The following ITPK1 variants were observed in gnomAD, a reference collection of about 807,000 sequenced individuals.
The protein encoded by ITPK1 is inositol 1,3,4-trisphosphate 5/6-kinase.
A neutral mutation model predicts 45.3 loss-of-function variants in ITPK1; 21 were observed. The observed-to-expected ratio is 0.46, with a 90% confidence interval of 0.33 to 0.67. The LOEUF (loss-of-function observed/expected upper bound fraction) is 0.67. Ranked by LOEUF, ITPK1 falls within the 30% of genes least tolerant of loss-of-function variation. ITPK1 has a pLI of 0.02. For synonymous variants in ITPK1, 258 were observed against 253.6 expected (o/e 1.02, Z -0.16); for missense variants, 474 against 573.5 (o/e 0.83, Z 1.77).
chr14:93,018,243 T>C (rs375711282), intron 3 of ITPK1, among the ~76,000 whole-genome samples: 2 of 152,074 alleles, frequency 1.3e-5, no homozygotes. Context: ...ACAGCCCCCA[T>C]GGAGCAGGGC....
chr14:93,028,490 A>G (rs1462239422), intron 3 of ITPK1, among the ~76,000 whole-genome samples: 1 of 152,228 alleles, frequency 6.6e-6, no homozygotes, highest in Non-Finnish European at 1.5e-5. Context: ...AGATACTGGA[A>G]GCAATGGAGG....
chr14:93,092,188 G>A (rs772793060), intron 2 of ITPK1, among the ~76,000 whole-genome samples: 1 of 152,176 alleles, frequency 6.6e-6, no homozygotes, highest in Non-Finnish European at 1.5e-5. Context: ...AGCATGGGGA[G>A]GGTGGGCACA....
intron 2 of ITPK1, among the ~76,000 whole-genome samples, chr14:93,097,497 C>A (rs1007803844): frequency 3.9e-5 from 6 of 152,218 alleles, no homozygotes; most frequent in Admixed American, 3.3e-4. Flanking sequence ...CACACACACG[C>A]AAGGGATTCC....
intron 3 of ITPK1, among the ~76,000 whole-genome samples, chr14:93,072,927 C>T (rs1484297897): frequency 6.6e-6 from 1 of 152,230 alleles, no homozygotes; most frequent in Non-Finnish European, 1.5e-5. Flanking sequence ...ATCAGGTACT[C>T]TTTGAATTTT....
At chr14:92,989,760 C>G (rs969466904) in intron 5 of ITPK1, among the ~76,000 whole-genome samples, 2 of 152,192 alleles carry the variant, frequency 1.3e-5, no homozygotes, top group Non-Finnish European at 2.9e-5. Flanking sequence ...CCAGGCTCAA[C>G]GCTGCCTGTG....
rs190148893 is a variant in ITPK1 at position 93,084,573 on chromosome 14, C to T, written c.96-7954G>A. Reference sequence around the variant, plus strand: ...AGTAAACCTATTTCCGCCAGCCTTTCGACACTACTTGTCACTGCAGCCTAA... The same window carrying T: ...AGTAAACCTATTTCCGCCAGCCTTTTGACACTACTTGTCACTGCAGCCTAA... On this transcript the variant is annotated intron_variant, in intron 2 of 10. Coordinates refer to ENST00000267615, the MANE Select transcript of ITPK1 (RefSeq NM_014216.6). Among the ~76,000 whole-genome samples, 334 of 152,198 alleles carry T rather than the reference C, an allele frequency of 2.2e-3. 4 individuals carry two copies. Among genetic ancestry groups the T allele is most frequent in the African/African-American group, 7.3e-3 (304 of 41,508 alleles).
At position 93,046,543 on chromosome 14, in the gene ITPK1, A is replaced by G. The variant is rs533872702; in HGVS notation, c.121-29742T>C. ...GACTTTCCTAAGTGCTCTGGGCTTCAAGACCTTCAGAAAAAGGCTAGGTAA... is the reference window on the plus strand; with the variant it reads ...GACTTTCCTAAGTGCTCTGGGCTTCGAGACCTTCAGAAAAAGGCTAGGTAA... On this transcript the variant is annotated intron_variant, in intron 3 of 10. Coordinates refer to ENST00000267615, the MANE Select transcript of ITPK1 (RefSeq NM_014216.6). Among the ~76,000 whole-genome samples the G allele has an allele frequency of 8.5e-4, 126 of 148,824 alleles. 3 individuals are homozygous for G. Among genetic ancestry groups the G allele is most frequent in the Non-Finnish European group, 4.5e-5 (3 of 67,098 alleles).
At chr14:93,073,454 A>C (rs962878945) in intron 3 of ITPK1, among the ~76,000 whole-genome samples, 1 of 152,190 alleles carries the variant, frequency 6.6e-6, no homozygotes, top group Non-Finnish European at 1.5e-5. Flanking sequence ...GGTTACACAC[A>C]AATGCTTCCT....
At chr14:92,963,246 C>G (rs1885184324) in intron 5 of ITPK1, among the ~76,000 whole-genome samples, 1 of 152,170 alleles carries the variant, frequency 6.6e-6, no homozygotes, top group Non-Finnish European at 1.5e-5. Flanking sequence ...ACCATTTTTT[C>G]TGGTTCAATA....
chr14:92,939,841 CAT>C lies in ITPK1; in HGVS notation c.*1718_*1719del. ...AGTATGACATAACAAACTTGAGCAA[CAT>C]GTGTAAACACGTGTGAAATGCGGTT... On this transcript the variant is annotated 3_prime_UTR_variant, in exon 11 of 11. Transcript: ENST00000267615. 1.0e-6 allele frequency: 1 copy of C among 985,832 alleles called. No homozygotes were observed. Among genetic ancestry groups the C allele is most frequent in the Non-Finnish European group, 1.2e-6 (1 of 829,942 alleles). 61.1% of individuals were successfully genotyped at this position (985,832 alleles called of 1,614,324 possible). A position where few individuals can be genotyped will look rare whatever the true frequency, so the allele number is the denominator to read the frequency against.
chr14:93,075,234 C>T (rs546924624), intron 3 of ITPK1, among the ~76,000 whole-genome samples: 25 of 139,218 alleles, frequency 1.8e-4, no homozygotes, highest in Admixed American at 1.6e-3. Context: ...GGCTGAGGCA[C>T]GAGAATCACT....
chr14:93,023,781 A>G (rs76496978), intron 3 of ITPK1, among the ~76,000 whole-genome samples: 8,518 of 152,182 alleles, frequency 0.056, 449 homozygotes, highest in African/African-American at 0.13. Flanking sequence ...CTTAGGAGCA[A>G]AAGGCAGGAG....
At chr14:93,050,815 C>T (rs1889972485) in intron 3 of ITPK1, among the ~76,000 whole-genome samples, 1 of 151,630 alleles carries the variant, frequency 6.6e-6, no homozygotes, top group African/African-American at 2.4e-5. Flanking sequence ...TAGGCCCACA[C>T]GTGTGGGGGA....
intron 4 of ITPK1, among the ~76,000 whole-genome samples, chr14:93,001,287 G>A (rs1235454317): frequency 2.8e-5 from 4 of 144,694 alleles, no homozygotes; most frequent in South Asian, 4.4e-4. Flanking sequence ...GCAAGAATCT[G>A]TCTCAGGAAA....
At chr14:92,952,419 C>T (rs1429799841) in intron 8 of ITPK1, among the ~76,000 whole-genome samples, 1 of 152,174 alleles carries the variant, frequency 6.6e-6, no homozygotes, top group East Asian at 1.9e-4. Context: ...TTATTTAGGC[C>T]AGTGCTCCCA....
chr14:93,084,625 T>C (rs1314157183), intron 2 of ITPK1, among the ~76,000 whole-genome samples: 2 of 152,084 alleles, frequency 1.3e-5, no homozygotes. Context: ...TAACAAGCAC[T>C]CTTTCAGGGA....
At chr14:93,030,092 G>A (rs1888956840) in intron 3 of ITPK1, among the ~76,000 whole-genome samples, 2 of 152,208 alleles carry the variant, frequency 1.3e-5, no homozygotes, top group Non-Finnish European at 2.9e-5. Context: ...CGAAGTTAGC[G>A]CGCAATGCAG....
In ITPK1 at chr14:93,107,717, G is replaced by A. The variant is rs111412826; in HGVS notation, c.95+7352C>T. On this transcript the variant is annotated intron_variant, in intron 2 of 10. Coordinates refer to ENST00000267615, the MANE Select transcript of ITPK1 (RefSeq NM_014216.6). The stretch of plus-strand genomic sequence containing the variant: ...GATTCTTGACGCTCCACGGCTCCAC[G>A]GGATCTCTGACACGAATCTCAGATC... 3.9e-3 allele frequency among the ~76,000 whole-genome samples: 590 copies of A among 152,252 alleles called. 4 individuals are homozygous for A. Among genetic ancestry groups the A allele is most frequent in the Middle Eastern group, 0.017 (5 of 294 alleles).
chr14:93,114,872 C>T (rs1189738055), intron 2 of ITPK1, among the ~76,000 whole-genome samples, 197 bp downstream of exon 2: 1 of 152,164 alleles, frequency 6.6e-6, no homozygotes, highest in Non-Finnish European at 1.5e-5. Flanking sequence ...TCGCCCGCAC[C>T]GGCCACCGCT....
Sources: allele counts gnomAD v4.1 joint callset (sites outside exome capture counted in the v4.1 genomes callset), GRCh38; gene constraint gnomAD v4.1.1; transcripts MANE v1.5; gene names NCBI Gene and HGNC (gene_info 2026-07-23, HGNC 2026-07-21).